The following ATAD3B variants were observed in gnomAD, a reference collection of about 807,000 sequenced individuals.
The protein encoded by ATAD3B is ATPase family AAA domain containing 3B.
In ATAD3B, 59 loss-of-function variants were observed where a neutral mutation model predicts 70.2. The ratio of observed to expected loss-of-function variants is 0.84; its 90% CI spans 0.68 to 1.04. The LOEUF (loss-of-function observed/expected upper bound fraction) is 1.04. ATAD3B is among the 50% of genes least tolerant of loss of function. The pLI is 0.00. For missense variants in ATAD3B, 961 were observed against 913.4 expected, an observed-to-expected ratio of 1.05 and a Z score of -0.67; for synonymous variants, 423 against 388.6, an observed-to-expected ratio of 1.09 and a Z score of -1.04.
intron 1 of ATAD3B, among the ~76,000 whole-genome samples, chr1:1,476,020 C>T (rs1206407913): frequency 1.9e-4 from 28 of 147,728 alleles, no homozygotes; most frequent in East Asian, 8.1e-4. Context: ...TCAGTCCCCT[C>T]GGGGTCAGAG....
intron 12 of ATAD3B, among the ~76,000 whole-genome samples, chr1:1,488,686 G>A (rs931397822): frequency 1.3e-5 from 2 of 151,934 alleles, no homozygotes; most frequent in African/African-American, 4.8e-5. Context: ...TTGAACCCAG[G>A]AGGCAGAGGT....
intron 7 of ATAD3B, 98 bp downstream of exon 7, chr1:1,482,712 C>T: frequency 1.3e-6 from 2 of 1,574,024 alleles, no homozygotes; most frequent in African/African-American, 1.3e-5. Flanking sequence ...CTCTGCACAG[C>T]CCTGTAGCTC....
At chr1:1,487,160 C>T (rs1385142958) in intron 11 of ATAD3B, among the ~76,000 whole-genome samples, 4 of 152,112 alleles carry the variant, frequency 2.6e-5, no homozygotes, top group Admixed American at 2.6e-4. Flanking sequence ...TCATGGTTGG[C>T]ACCCTCCCCT....
At chr1:1,502,000 T>C (rs1201780870), downstream of ATAD3B, among the ~76,000 whole-genome samples, 1 of 151,978 alleles carries the variant, frequency 6.6e-6, no homozygotes, top group Non-Finnish European at 1.5e-5. Context: ...TGGCTCAGCC[T>C]CCCGTGTAGC....
chr1:1,494,433 G>C lies in ATAD3B; in HGVS notation c.1615-1052G>C, dbSNP rs533152916. 8.7e-4 allele frequency among the ~76,000 whole-genome samples: 130 copies of C among 150,008 alleles called. 2 individuals are homozygous for C. The highest frequency in any genetic ancestry group is 1.5e-3 in the Admixed American group (22 of 15,060). On this transcript the variant is annotated intron_variant, in intron 15 of 15. Coordinates refer to ENST00000673477, the MANE Select transcript of ATAD3B (RefSeq NM_031921.6). The stretch of plus-strand genomic sequence containing the variant: ...TGGGCCCCTGAGCCACAGTGGCGGT[G>C]CGGCTCCGGTCAGTGTCTCCTGCGC...
rs1411977492 is a variant in ATAD3B, at chr1:1,496,095, G to A, written c.*278G>A. 10 of 1,201,392 alleles carry A rather than the reference G, an allele frequency of 8.3e-6. No homozygotes were observed. The highest frequency in any genetic ancestry group is 4.0e-5 in the Admixed American group (1 of 25,064). The allele number at this position is 1,201,392 out of a possible 1,614,324, so 74.4% of individuals were successfully genotyped here. On this transcript the variant is annotated 3_prime_UTR_variant, in exon 16 of 16. Coordinates refer to ENST00000673477, the MANE Select transcript of ATAD3B (RefSeq NM_031921.6). The stretch of plus-strand genomic sequence containing the variant: ...ACCCTGCTTCCAGCCATGGCCAGGG[G>A]CCACGGAACCCGGCAGGGGTGTCTG...
At chr1:1,503,518 G>T in the ATAD3B span, 1 of 1,520,832 alleles carries the variant, frequency 6.6e-7, no homozygotes. Flanking sequence ...CCCTTGGCTG[G>T]TGTGGTGCCT....
chr1:1,509,010 G>A, the ATAD3B span, among the ~76,000 whole-genome samples: 2 of 151,788 alleles, frequency 1.3e-5, no homozygotes, highest in Non-Finnish European at 2.9e-5. Flanking sequence ...CGCAGGCAGG[G>A]CTGTGGGCAC....
chr1:1,504,993 GGGTTT>G, the ATAD3B span, among the ~76,000 whole-genome samples: 1 of 152,270 alleles, frequency 6.6e-6, no homozygotes, highest in Non-Finnish European at 1.5e-5. Context: ...CAGGTTCGGT[GGGTTT>G]TCTCTTTGTG....
rs1640345586 is a variant in ATAD3B at position 1,488,297 on chromosome 1, TG to T, written c.1266+385del. On this transcript the variant is annotated intron_variant, in intron 12 of 15. Coordinates refer to ENST00000673477, the MANE Select transcript of ATAD3B (RefSeq NM_031921.6). ...AATACAGGGTGTCTGTCGCCCAGGC[TG>T]GAGTGCAGGGGCGACATCTCCAGCT... 2.0e-5 allele frequency among the ~76,000 whole-genome samples: 3 copies of T among 151,926 alleles called. 1 individual carries two copies. The South Asian group carries it at 6.2e-4, about 32-fold the overall frequency.
At chr1:1,500,425 A>G (rs183795286), downstream of ATAD3B, among the ~76,000 whole-genome samples, 6,056 of 147,350 alleles carry the variant, frequency 0.041, 379 homozygotes, top group African/African-American at 0.14. Flanking sequence ...GGTGGCGGGC[A>G]CCTGTAGTCC....
At chr1:1,494,830 C>G (rs1557432953) in intron 15 of ATAD3B, among the ~76,000 whole-genome samples, 1 of 152,146 alleles carries the variant, frequency 6.6e-6, no homozygotes, top group East Asian at 1.9e-4. Flanking sequence ...TGGGGGTCCC[C>G]ACACCCTCAC....
intron 15 of ATAD3B, among the ~76,000 whole-genome samples, chr1:1,495,037 G>C (rs1287276543): frequency 6.6e-6 from 1 of 152,092 alleles, no homozygotes. Context: ...AATGGAGGCA[G>C]AGGTGGCCTT....
downstream of ATAD3B, among the ~76,000 whole-genome samples, chr1:1,498,128 C>A (rs1387346294): frequency 5.9e-5 from 9 of 151,598 alleles, no homozygotes; most frequent in African/African-American, 2.2e-4. Flanking sequence ...TGTGGTGAAA[C>A]CCCCATCTCT....
In ATAD3B at chr1:1,490,662, G is replaced by A. The variant is rs754972620; in HGVS notation, c.1605G>A (p.Val535=). ...GCCGGGAGATCGCTCAGCTGGCCGT[G>A]TCCTGGCAGGTGAGTCAGGCTCCGG... ...MSGREIAQLA[V]SWQATAYASK... Residue 535 remains valine, a synonymous_variant, in exon 15 of 16, where the codon GTG becomes GTA. Transcript: ENST00000673477. 2 of 1,588,900 alleles carry A rather than the reference G, an allele frequency of 1.3e-6. No individual in the cohort carries two copies. The highest frequency in any genetic ancestry group is 4.6e-5 in the East Asian group (2 of 43,882).
chr1:1,501,812 A>G (rs1446256406), downstream of ATAD3B, among the ~76,000 whole-genome samples: 1 of 152,184 alleles, frequency 6.6e-6, no homozygotes, highest in African/African-American at 2.4e-5. Flanking sequence ...GTGGGTTACT[A>G]CATTAAGGAT....
intron 15 of ATAD3B, among the ~76,000 whole-genome samples, chr1:1,493,623 A>T (rs1640641328): frequency 6.8e-6 from 1 of 146,772 alleles, no homozygotes; most frequent in South Asian, 2.2e-4. Flanking sequence ...GACCAGTTGA[A>T]TTTTTTTTTT....
chr1:1,477,479 C>T (rs1639652317), intron 2 of ATAD3B, 129 bp downstream of exon 2: 2 of 1,460,162 alleles, frequency 1.4e-6, no homozygotes, highest in African/African-American at 1.4e-5. Context: ...CAGGGCCGAG[C>T]TTGGGCGCCT....
intron 1 of ATAD3B, among the ~76,000 whole-genome samples, chr1:1,475,675 G>C (rs1005706005): frequency 1.3e-5 from 2 of 151,690 alleles, no homozygotes; most frequent in Non-Finnish European, 2.9e-5. Context: ...GCACTCCACA[G>C]AGGGGGTGCC....
Sources: allele counts gnomAD v4.1 joint callset (sites outside exome capture counted in the v4.1 genomes callset), GRCh38; gene constraint gnomAD v4.1.1; transcripts MANE v1.5; gene names NCBI Gene and HGNC (gene_info 2026-07-23, HGNC 2026-07-21).